TLN2: variants seen among roughly 807,000 people sequenced by gnomAD.
TLN2 encodes talin 2.
In TLN2, 118 loss-of-function variants were observed where a neutral mutation model predicts 294.7. The observed-to-expected ratio is 0.40, with a 90% confidence interval of 0.34 to 0.47. TLN2 has a LOEUF of 0.47. TLN2 is among the 20% of genes least tolerant of loss of function. The pLI is 0.84. For synonymous variants in TLN2, 1,431 were observed against 1,304.5 expected (o/e 1.10, Z -2.09); for missense variants, 3,083 against 3,282.2 (o/e 0.94, Z 1.48).
At chr15:62,574,401 C>A (rs1029513320) in intron 1 of TLN2, among the ~76,000 whole-genome samples, 2 of 151,244 alleles carry the variant, frequency 1.3e-5, no homozygotes, top group African/African-American at 4.9e-5. Flanking sequence ...CATAGCTAGA[C>A]CCCGCCTCTT....
chr15:62,680,038 G>C (rs1359388882), intron 11 of TLN2, among the ~76,000 whole-genome samples: 2 of 152,202 alleles, frequency 1.3e-5, no homozygotes, highest in African/African-American at 4.8e-5. Context: ...GTTCAAATAT[G>C]TGTCCCTCTG....
intron 1 of TLN2, among the ~76,000 whole-genome samples, chr15:62,403,640 T>G (rs2033183958): frequency 6.6e-6 from 1 of 152,202 alleles, no homozygotes; most frequent in Non-Finnish European, 1.5e-5. Context: ...GGCCAGGTCA[T>G]TGCTTTCTCT....
At chr15:62,518,823 C>G (rs750699505) in intron 1 of TLN2, among the ~76,000 whole-genome samples, 3 of 152,092 alleles carry the variant, frequency 2.0e-5, no homozygotes, top group African/African-American at 4.8e-5. Flanking sequence ...GTCTCGAACT[C>G]TTGACCTTAA....
chr15:62,755,685 A>G lies in TLN2; in HGVS notation c.4630A>G (p.Thr1544Ala). The change falls in exon 37 of 59, where the codon ACC becomes GCC. Residue 1544 changes from threonine (T) to alanine (A), a missense_variant. Thr to Ala is a moderately conservative substitution (Grantham distance 58). Transcript: ENST00000636159. ...CAACAGCACTGCCAACCTGGTGAAG[A>G]CCATCAAGGTAGGTCGCTGGACTAC... ...VANSTANLVK[T>A]IKALDGDFSE... is the part of the protein sequence containing the mutation. 6.2e-7 allele frequency: 1 copy of G among 1,614,212 alleles called. No homozygotes were observed. The highest frequency in any genetic ancestry group is 8.5e-7 in the Non-Finnish European group (1 of 1,180,020).
chr15:62,740,704 T>C lies in TLN2; in HGVS notation c.3960T>C (p.Ala1320=). 6.2e-7 allele frequency: 1 copy of C among 1,614,224 alleles called. No homozygotes were observed. Among genetic ancestry groups the C allele is most frequent in the South Asian group, 1.1e-5 (1 of 91,082 alleles). ...ISMASSKLLL[A]AKSLSVDPGA... ...TGGCATCCAGCAAGCTGCTGTTAGC[T>C]GCCAAGTCTCTCTCTGTAGATCCAG... The change falls in exon 32 of 59, where the codon GCT becomes GCC. Residue 1320 remains alanine (A), a synonymous_variant. Coordinates refer to ENST00000636159, the MANE Select transcript of TLN2 (RefSeq NM_015059.3).
intron 19 of TLN2, among the ~76,000 whole-genome samples, chr15:62,705,898 T>G (rs1390719104): frequency 1.3e-5 from 2 of 152,248 alleles, no homozygotes; most frequent in African/African-American, 2.4e-5. Flanking sequence ...AACCTGCTCC[T>G]TTAAGACCAC....
At chr15:62,627,560 C>CT (rs1349447208) in intron 3 of TLN2, among the ~76,000 whole-genome samples, 11 of 152,288 alleles carry the variant, frequency 7.2e-5, no homozygotes, top group African/African-American at 2.6e-4. Context: ...TTTGTGCTTC[C>CT]TAGAGGCTAA....
At chr15:62,450,343 C>T (rs150801633) in intron 1 of TLN2, among the ~76,000 whole-genome samples, 26 of 152,260 alleles carry the variant, frequency 1.7e-4, no homozygotes, top group African/African-American at 5.1e-4. Flanking sequence ...TCCGAGTCAC[C>T]GTGTTTGTAG....
At chr15:62,771,613 C>T (rs189386596) in intron 42 of TLN2, among the ~76,000 whole-genome samples, 33 of 152,332 alleles carry the variant, frequency 2.2e-4, no homozygotes, top group African/African-American at 2.9e-4. Flanking sequence ...CCAAGTATGA[C>T]GACAGCCTGT....
chr15:62,461,653 A>C (rs1234350835), intron 1 of TLN2, among the ~76,000 whole-genome samples: 1 of 152,204 alleles, frequency 6.6e-6, no homozygotes, highest in Non-Finnish European at 1.5e-5. Context: ...TAAGACAAGC[A>C]AGGTGTGTTA....
In TLN2 at chr15:62,707,269, C is replaced by T. The variant is rs1468817762; in HGVS notation, c.2172+16C>T. On this transcript the variant is annotated intron_variant, in intron 20 of 58. Coordinates refer to ENST00000636159, the MANE Select transcript of TLN2 (RefSeq NM_015059.3). ...ATGTGCCAAGGTAAGCCAGCTGGCA[C>T]CCCAGCCCTTTCTACCCAGTATCAC... 1.9e-6 allele frequency: 3 copies of T among 1,599,008 alleles called. No homozygotes were observed. The highest frequency in any genetic ancestry group is 2.7e-5 in the African/African-American group (2 of 74,704).
At chr15:62,502,500 G>T (rs559944708) in intron 1 of TLN2, among the ~76,000 whole-genome samples, 1 of 39,240 alleles carries the variant, frequency 2.5e-5, no homozygotes, top group East Asian at 8.0e-4. Context: ...ATTGCTCTAG[G>T]CTGCAGGCAT....
At chr15:62,820,150 G>C (rs530401366) in intron 53 of TLN2, among the ~76,000 whole-genome samples, 22 of 152,262 alleles carry the variant, frequency 1.4e-4, no homozygotes, top group Middle Eastern at 3.4e-3. Context: ...GCATAGTGTA[G>C]TGTCTCCTGA....
chr15:62,429,380 C>G (rs1007561658), intron 1 of TLN2, among the ~76,000 whole-genome samples: 2 of 152,102 alleles, frequency 1.3e-5, no homozygotes, highest in East Asian at 3.9e-4. Flanking sequence ...AAAGACTTAT[C>G]GTTTATGAAA....
At chr15:62,753,352 C>T (rs1029490200) in intron 35 of TLN2, among the ~76,000 whole-genome samples, 5 of 152,132 alleles carry the variant, frequency 3.3e-5, no homozygotes, top group Non-Finnish European at 4.4e-5. Context: ...TTGGCTGACC[C>T]AGCAGCTCCA....
At chr15:62,807,650 C>A (rs1000405585) in intron 51 of TLN2, among the ~76,000 whole-genome samples, 1 of 152,166 alleles carries the variant, frequency 6.6e-6, no homozygotes, top group Admixed American at 6.5e-5. Context: ...ACGTGTGCTC[C>A]CCTGTTTTCA....
At chr15:62,838,128 C>CCAT (rs1376666459) in intron 57 of TLN2, 1 of 152,204 alleles carries the variant, frequency 6.6e-6, no homozygotes, top group Non-Finnish European at 1.5e-5. Flanking sequence ...AGCAGTCACT[C>CCAT]CATCTTAGAG....
intron 43 of TLN2, among the ~76,000 whole-genome samples, chr15:62,778,675 GAC>G (rs1210590697): frequency 6.6e-6 from 1 of 152,230 alleles, no homozygotes; most frequent in African/African-American, 2.4e-5. Flanking sequence ...CTCAGCCAGA[GAC>G]ACATTTGATT....
In TLN2 at chr15:62,835,938, T is replaced by C; in HGVS notation, c.7239T>C (p.Asn2413=). The C allele has an allele frequency of 6.2e-7, 1 of 1,614,200 alleles. No individual in the cohort carries two copies. The highest frequency in any genetic ancestry group is 8.5e-7 in the Non-Finnish European group (1 of 1,180,026). The change falls in exon 57 of 59, where the codon AAT becomes AAC. Residue 2413 remains asparagine, a synonymous_variant. Coordinates refer to ENST00000636159, the MANE Select transcript of TLN2 (RefSeq NM_015059.3). The part of the protein sequence containing the change: ...AATSSLCEAA[N]ASVQGHASEE... ...CCAGCAGTCTCTGTGAGGCGGCCAATGCCTCCGTTCAGGGACACGCCAGCG... is the reference window on the plus strand; with the variant it reads ...CCAGCAGTCTCTGTGAGGCGGCCAACGCCTCCGTTCAGGGACACGCCAGCG...
Sources: allele counts gnomAD v4.1 joint callset (sites outside exome capture counted in the v4.1 genomes callset), GRCh38; gene constraint gnomAD v4.1.1; transcripts MANE v1.5; gene names NCBI Gene and HGNC (gene_info 2026-07-23, HGNC 2026-07-21).